Variants in SYCP2 observed in about 807,000 individuals in gnomAD.
SYCP2 encodes the protein synaptonemal complex protein 2.
In SYCP2, 55 loss-of-function variants were observed where a neutral mutation model predicts 211.3. The observed-to-expected ratio is 0.26, with a 90% CI of 0.21 to 0.33. The LOEUF (loss-of-function observed/expected upper bound fraction) is 0.33, where lower values mean the gene tolerates loss of function less well. Among genes scored for constraint, SYCP2 ranks in the 10% least tolerant of loss-of-function variants. SYCP2 has a pLI of 1.00. For synonymous variants in SYCP2, 570 were observed against 555.2 expected, an observed-to-expected ratio of 1.03 and a Z score of -0.37; for missense variants, 1,731 against 1,752.0, an observed-to-expected ratio of 0.99 and a Z score of 0.21.
intron 15 of SYCP2, among the ~76,000 whole-genome samples, chr20:59,902,642 T>C (rs1326211225): frequency 6.6e-6 from 1 of 152,118 alleles, no homozygotes; most frequent in East Asian, 1.9e-4. Context: ...AAGGGACAAA[T>C]GTCCTATAGG....
intron 15 of SYCP2, among the ~76,000 whole-genome samples, chr20:59,904,904 T>C (rs1195664806): frequency 6.6e-6 from 1 of 152,090 alleles, no homozygotes; most frequent in Non-Finnish European, 1.5e-5. Flanking sequence ...GATGGGAAAG[T>C]GCCATATAAA....
chr20:59,923,998 TTGAC>T (rs1418634831), intron 2 of SYCP2, among the ~76,000 whole-genome samples: 1 of 151,886 alleles, frequency 6.6e-6, no homozygotes, highest in Non-Finnish European at 1.5e-5. Flanking sequence ...CTCTGACATA[TTGAC>T]TATTTTAAAT....
chr20:59,864,285 T>A lies in SYCP2; in HGVS notation c.*26A>T. 1 of 1,456,850 alleles carries A rather than the reference T, an allele frequency of 6.9e-7. No individual in the cohort carries two copies. Among genetic ancestry groups the A allele is most frequent in the Non-Finnish European group, 9.5e-7 (1 of 1,052,662 alleles). The allele number at this position is 1,456,850 out of a possible 1,614,324, so 90.2% of individuals were successfully genotyped here. ...TTATATACAGAGAATAATAATTAGA[T>A]AAAGTATGGTGATAAAAACTAGATT... On this transcript the variant is annotated 3_prime_UTR_variant, in exon 45 of 45. Transcript: ENST00000357552.
At position 59,901,757 on chromosome 20, in the gene SYCP2, T is replaced by C; in HGVS notation, c.1087A>G (p.Ser363Gly). 6.2e-7 allele frequency: 1 copy of C among 1,605,858 alleles called. No individual in the cohort carries two copies. The highest frequency in any genetic ancestry group is 8.5e-7 in the Non-Finnish European group (1 of 1,175,348). The part of the protein sequence containing the change: ...TIILKNTVKI[S>G]KREGKELLLY... Reference sequence around the variant, plus strand: ...AGCAATTCTTTCCCTTCTCTTTTGCTAATTTTTACTGTATTTTTCAGAATT... The same window carrying C: ...AGCAATTCTTTCCCTTCTCTTTTGCCAATTTTTACTGTATTTTTCAGAATT... Residue 363 changes from serine to glycine, a missense_variant, in exon 16 of 45, where the codon AGC (serine) becomes GGC (glycine). Ser to Gly is a moderately conservative substitution (Grantham distance 56). This residue lies in a region of SYCP2 where 1,387 missense variants were observed against 1,351.3 expected (regional missense o/e 1.03). Coordinates refer to ENST00000357552, the MANE Select transcript of SYCP2 (RefSeq NM_014258.4).
Position 59,933,628 on chromosome 20 carries a change from G to C in SYCP2, c.-199C>G, listed in dbSNP as rs1320155396. The C allele has an allele frequency of 6.6e-6, 1 of 152,134 alleles. No individual in the cohort carries two copies. Among genetic ancestry groups the C allele is most frequent in the Non-Finnish European group, 1.5e-5 (1 of 68,078 alleles). The allele number at this position is 152,134 out of a possible 1,614,324, so 9.4% of individuals were successfully genotyped here. ...GCCGCCCCCTATGCCGCCGAGCGTCGCAACTCTGCGCCTCAGGGACCGCCG... is the reference window on the plus strand; with the variant it reads ...GCCGCCCCCTATGCCGCCGAGCGTCCCAACTCTGCGCCTCAGGGACCGCCG... On this transcript the variant is annotated 5_prime_UTR_variant, in exon 1 of 45. Transcript: ENST00000357552.
intron 16 of SYCP2, among the ~76,000 whole-genome samples, chr20:59,901,028 GGAACAAGGGTTCCTCACAA>G: frequency 6.6e-6 from 1 of 151,734 alleles, no homozygotes; most frequent in East Asian, 1.9e-4. Context: ...TCATTTGTGA[GGAACAAGGGTTCCTCACAA>G]ATACATCTAA....
At chr20:59,931,555 G>A (rs2060741359) in intron 2 of SYCP2, among the ~76,000 whole-genome samples, 1 of 152,090 alleles carries the variant, frequency 6.6e-6, no homozygotes, top group African/African-American at 2.4e-5. Flanking sequence ...TCTTACCCTA[G>A]GGCCAGCAAC....
chr20:59,931,797 A>T (rs1450473828), intron 2 of SYCP2, among the ~76,000 whole-genome samples: 2 of 152,192 alleles, frequency 1.3e-5, no homozygotes, highest in African/African-American at 2.4e-5. Flanking sequence ...CAGGTTACAC[A>T]CACACACACA....
chr20:59,880,359 T>A lies in SYCP2; in HGVS notation c.2885A>T (p.Gln962Leu), dbSNP rs115051019. The A allele has an allele frequency of 1.9e-6, 3 of 1,600,468 alleles. No homozygotes were observed. The highest frequency in any genetic ancestry group is 2.6e-6 in the Non-Finnish European group (3 of 1,170,976). The change falls in exon 31 of 45, where the codon CAG becomes CTG. Residue 962 changes from glutamine (Q) to leucine (L), a missense_variant. Gln to Leu is a moderately radical substitution (Grantham distance 113, BLOSUM62 -2). Transcript: ENST00000357552. Reference sequence around the variant, plus strand: ...TTTATTTCTGCTATAGTCTATTAGCTGTGGTTTTGATTTCGGTTCTCTTAG... The same window carrying A: ...TTTATTTCTGCTATAGTCTATTAGCAGTGGTTTTGATTTCGGTTCTCTTAG... ...SWLREPKSKP[Q>L]LIDYSRNKNV...
rs150814022 is a variant in SYCP2, at chr20:59,906,368, G to T, written c.1033+996C>A. 4.0e-3 allele frequency among the ~76,000 whole-genome samples: 604 copies of T among 152,092 alleles called. 7 individuals carry two copies. Among genetic ancestry groups the T allele is most frequent in the African/African-American group, 0.013 (552 of 41,540 alleles). On this transcript the variant is annotated intron_variant, in intron 15 of 44. Coordinates refer to ENST00000357552, the MANE Select transcript of SYCP2 (RefSeq NM_014258.4). ...AAGAAAAGTAGACCTATGATAAATAGAACAGATTGGAGGACCAAGAAATAG... is the reference window on the plus strand; with the variant it reads ...AAGAAAAGTAGACCTATGATAAATATAACAGATTGGAGGACCAAGAAATAG...
chr20:59,919,671 A>G, intron 5 of SYCP2, 74 bp from the exon 6 acceptor site: 1 of 878,290 alleles, frequency 1.1e-6, no homozygotes, highest in Non-Finnish European at 1.8e-6. Flanking sequence ...CTTTGCATAA[A>G]CAGTAAACCT....
chr20:59,906,304 A>T (rs1274124521), intron 15 of SYCP2, among the ~76,000 whole-genome samples: 1 of 152,154 alleles, frequency 6.6e-6, no homozygotes, highest in Non-Finnish European at 1.5e-5. Context: ...AAGACTAACC[A>T]CAAATCTACC....
At chr20:59,864,646 AAAGG>A (rs1460232690) in intron 44 of SYCP2, among the ~76,000 whole-genome samples, 2 of 152,034 alleles carry the variant, frequency 1.3e-5, no homozygotes, top group East Asian at 1.9e-4. Context: ...TTCAATTTTT[AAAGG>A]AAGAGAGTAA....
At chr20:59,867,626 G>A in intron 39 of SYCP2, 85 bp downstream of exon 39, 5 of 1,216,640 alleles carry the variant, frequency 4.1e-6, no homozygotes, top group Non-Finnish European at 5.8e-6. Flanking sequence ...TGTTGCCAAA[G>A]GATCAAACAA....
chr20:59,898,909 G>A (rs993600388), intron 18 of SYCP2, among the ~76,000 whole-genome samples: 1 of 151,968 alleles, frequency 6.6e-6, no homozygotes, highest in Non-Finnish European at 1.5e-5. Context: ...TTACAAAAGG[G>A]GAGAATACAT....
chr20:59,873,956 T>C lies in SYCP2; in HGVS notation c.3455A>G (p.Asn1152Ser). The C allele has an allele frequency of 1.2e-6, 2 of 1,613,420 alleles. No individual in the cohort carries two copies. The highest frequency in any genetic ancestry group is 2.2e-5 in the East Asian group (1 of 44,826). ...CTTTATTGTACCTCCAACTCCACTG[T>C]TACTATTTAAGGATTCAAGTGATGA... is the stretch of plus-strand genomic sequence containing the variant. ...KTSSLESLNS[N>S]SGVGGTIKSP... The change falls in exon 35 of 45, where the codon AAC becomes AGC. Residue 1152 changes from asparagine (N) to serine (S), a missense_variant. Physicochemically the swap from Asn to Ser is conservative, Grantham distance 46. This residue lies in a region of SYCP2 where 1,387 missense variants were observed against 1,351.3 expected (regional missense o/e 1.03). Transcript: ENST00000357552.
At chr20:59,867,014 C>CA (rs779891839) in intron 39 of SYCP2, among the ~76,000 whole-genome samples, 14,848 of 59,872 alleles carry the variant, frequency 0.25, 1,451 homozygotes, top group Non-Finnish European at 0.31. Flanking sequence ...GGCCTTGGGC[C>CA]AAAAAAAAAA....
At chr20:59,866,270 A>T (rs758165040) in intron 41 of SYCP2, 23 bp downstream of exon 41, 44 of 1,494,736 alleles carry the variant, frequency 2.9e-5, no homozygotes, top group Admixed American at 1.6e-4. Flanking sequence ...AAACTTATTT[A>T]AAAAATTTTT....
intron 18 of SYCP2, 54 bp downstream of exon 18, chr20:59,900,082 AAC>A (rs1383832627): frequency 1.3e-6 from 2 of 1,547,836 alleles, no homozygotes; most frequent in African/African-American, 2.7e-5. Context: ...ACTCATATAT[AAC>A]AGTGATTTGA....
Sources: allele counts gnomAD v4.1 joint callset (sites outside exome capture counted in the v4.1 genomes callset), GRCh38; gene constraint gnomAD v4.1.1; regional missense constraint gnomAD v4.1.1; transcripts MANE v1.5; gene names NCBI Gene and HGNC (gene_info 2026-07-23, HGNC 2026-07-21).